RFTN2: variants seen among roughly 807,000 people sequenced by gnomAD.
RFTN2 encodes the protein raftlin-2.
In RFTN2, 34 loss-of-function variants were observed where a neutral mutation model predicts 52.7. The ratio of observed to expected loss-of-function variants is 0.64; its 90% CI spans 0.49 to 0.86. The LOEUF (loss-of-function observed/expected upper bound fraction) is 0.86, where lower values mean the gene tolerates loss of function less well. Among genes scored for constraint, RFTN2 ranks in the 40% least tolerant of loss-of-function variants. The pLI, the probability that RFTN2 is intolerant of heterozygous loss-of-function variation, is 0.00. For synonymous variants in RFTN2, 203 were observed against 217.7 expected, an observed-to-expected ratio of 0.93 and a Z score of 0.59; for missense variants, 536 against 600.1, an observed-to-expected ratio of 0.89 and a Z score of 1.12.
intron 8 of RFTN2, among the ~76,000 whole-genome samples, chr2:197,578,245 T>C (rs2087450124): frequency 6.6e-6 from 1 of 152,206 alleles, no homozygotes; most frequent in Non-Finnish European, 1.5e-5. Flanking sequence ...TTCAGAATAA[T>C]AAGACATTCA....
At chr2:197,611,281 A>G (rs894959472) in intron 7 of RFTN2, among the ~76,000 whole-genome samples, 1 of 152,186 alleles carries the variant, frequency 6.6e-6, no homozygotes, top group Admixed American at 6.5e-5. Context: ...TTATTGCCTC[A>G]ATTTCAGAAC....
intron 7 of RFTN2, among the ~76,000 whole-genome samples, chr2:197,610,990 T>C (rs901150354): frequency 3.9e-5 from 6 of 152,256 alleles, no homozygotes; most frequent in African/African-American, 1.4e-4. Flanking sequence ...ATAAGCTTTT[T>C]GATGTGCTGC....
chr2:197,653,121 A>G (rs973434396), intron 1 of RFTN2, among the ~76,000 whole-genome samples: 2 of 152,224 alleles, frequency 1.3e-5, no homozygotes, highest in East Asian at 1.9e-4. Flanking sequence ...CCACAAGGGC[A>G]GGATGAAAGC....
At chr2:197,627,191 C>G (rs191529405) in intron 5 of RFTN2, among the ~76,000 whole-genome samples, 1 of 152,092 alleles carries the variant, frequency 6.6e-6, no homozygotes, top group Non-Finnish European at 1.5e-5. Context: ...TGTGTTTCTC[C>G]GGCCTAGAAT....
chr2:197,610,296 C>A (rs1214031429), intron 7 of RFTN2, among the ~76,000 whole-genome samples: 2 of 152,170 alleles, frequency 1.3e-5, no homozygotes, highest in Non-Finnish European at 2.9e-5. Context: ...TTTCCTTGAG[C>A]AGTGATTTGT....
At chr2:197,576,738 A>C (rs1018887079) in intron 8 of RFTN2, among the ~76,000 whole-genome samples, 1 of 152,174 alleles carries the variant, frequency 6.6e-6, no homozygotes, top group Non-Finnish European at 1.5e-5. Context: ...CATTTATGAC[A>C]CTGTTTGTAC....
Position 197,664,308 on chromosome 2 carries a change from A to T in RFTN2, c.139+11012T>A, listed in dbSNP as rs187727586. Among the ~76,000 whole-genome samples, 7 of 151,012 alleles carry T rather than the reference A, an allele frequency of 4.6e-5. No homozygotes were observed. In the East Asian group the frequency reaches 1.4e-3, roughly 30 times the overall value. On this transcript the variant is annotated intron_variant, in intron 1 of 8. Coordinates refer to ENST00000295049, the MANE Select transcript of RFTN2 (RefSeq NM_144629.3). ...GGCAACATGGCAAAACCCAGTCTCT[A>T]CAAAAAAAAATTCAAAAATCAGCCA...
chr2:197,655,270 C>T (rs923278921), intron 1 of RFTN2, among the ~76,000 whole-genome samples: 1 of 152,060 alleles, frequency 6.6e-6, no homozygotes, highest in Non-Finnish European at 1.5e-5. Context: ...CAAGAAATAC[C>T]TCGTTTCTGG....
intron 8 of RFTN2, among the ~76,000 whole-genome samples, chr2:197,593,042 CATT>C (rs2087742797): frequency 6.6e-6 from 1 of 152,142 alleles, no homozygotes; most frequent in African/African-American, 2.4e-5. Flanking sequence ...AAAAATTAAA[CATT>C]TGTCAAATGA....
At chr2:197,572,839 G>A (rs2087341552) in intron 8 of RFTN2, among the ~76,000 whole-genome samples, 1 of 152,118 alleles carries the variant, frequency 6.6e-6, no homozygotes, top group Non-Finnish European at 1.5e-5. Flanking sequence ...TCAAATCATG[G>A]GGGTGGGTCT....
At chr2:197,619,256 T>C (rs924250745) in intron 5 of RFTN2, among the ~76,000 whole-genome samples, 4 of 151,844 alleles carry the variant, frequency 2.6e-5, no homozygotes, top group African/African-American at 9.7e-5. Flanking sequence ...CAACAGCTCA[T>C]TGAGAACGGG....
At chr2:197,658,657 G>C (rs2088929280) in intron 1 of RFTN2, among the ~76,000 whole-genome samples, 1 of 152,154 alleles carries the variant, frequency 6.6e-6, no homozygotes, top group Non-Finnish European at 1.5e-5. Flanking sequence ...GAACAGCACA[G>C]GTGGTTAGCA....
At chr2:197,636,214 C>T (rs1187939579) in intron 3 of RFTN2, among the ~76,000 whole-genome samples, 51 of 151,380 alleles carry the variant, frequency 3.4e-4, no homozygotes, top group Admixed American at 1.1e-3. Context: ...ATTGCCTTGG[C>T]GACGCGGGCT....
At chr2:197,603,902 G>A (rs888681119) in intron 7 of RFTN2, among the ~76,000 whole-genome samples, 1 of 151,968 alleles carries the variant, frequency 6.6e-6, no homozygotes, top group Non-Finnish European at 1.5e-5. Flanking sequence ...ACTCCAGTCT[G>A]GGCTACAGAG....
chr2:197,585,627 C>T (rs904167894), intron 8 of RFTN2, among the ~76,000 whole-genome samples: 4 of 152,198 alleles, frequency 2.6e-5, no homozygotes, highest in African/African-American at 9.7e-5. Flanking sequence ...CATTTCTAAT[C>T]CCTCCTTAGC....
At chr2:197,573,239 G>T (rs1037597403) in intron 8 of RFTN2, among the ~76,000 whole-genome samples, 1 of 152,210 alleles carries the variant, frequency 6.6e-6, no homozygotes, top group Non-Finnish European at 1.5e-5. Context: ...ACTTCCTAGA[G>T]ACTTATTGAA....
At chr2:197,619,287 T>G (rs2088214226) in intron 5 of RFTN2, among the ~76,000 whole-genome samples, 1 of 151,950 alleles carries the variant, frequency 6.6e-6, no homozygotes. Context: ...AATGGCGGTT[T>G]TGTAGAATAG....
At chr2:197,586,748 C>G (rs987021816) in intron 8 of RFTN2, among the ~76,000 whole-genome samples, 1 of 152,204 alleles carries the variant, frequency 6.6e-6, no homozygotes, top group African/African-American at 2.4e-5. Flanking sequence ...GCATCACAGA[C>G]GTATCACAAA....
At chr2:197,587,991 C>T (rs891660088) in intron 8 of RFTN2, 1 of 470,850 alleles carries the variant, frequency 2.1e-6, no homozygotes. Context: ...AAGTCTCTTA[C>T]CTTATTCTTT....
Sources: allele counts gnomAD v4.1 joint callset (sites outside exome capture counted in the v4.1 genomes callset), GRCh38; gene constraint gnomAD v4.1.1; transcripts MANE v1.5; gene names NCBI Gene and HGNC (gene_info 2026-07-23, HGNC 2026-07-21).